The following FAM135B variants were observed in gnomAD, a reference collection of about 807,000 sequenced individuals.
The protein encoded by FAM135B is protein FAM135B.
Under a neutral mutation model 127.7 loss-of-function variants are expected in FAM135B, and 43 were observed. The ratio of observed to expected loss-of-function variants is 0.34; its 90% CI spans 0.26 to 0.43. The LOEUF (loss-of-function observed/expected upper bound fraction) is 0.43, where lower values mean the gene tolerates loss of function less well. Among genes scored for constraint, FAM135B ranks in the 20% least tolerant of loss-of-function variants. The pLI is 1.00. For synonymous variants in FAM135B, 670 were observed against 665.1 expected (o/e 1.01, Z -0.11); for missense variants, 1,558 against 1,725.6 (o/e 0.90, Z 1.72).
intron 19 of FAM135B, among the ~76,000 whole-genome samples, chr8:138,133,860 G>A (rs1243257865): frequency 2.0e-5 from 3 of 152,122 alleles, no homozygotes; most frequent in Admixed American, 1.3e-4. Context: ...CATGGGGTAT[G>A]TATTTGGGGG....
intron 1 of FAM135B, among the ~76,000 whole-genome samples, chr8:138,409,644 G>A (rs891325151): frequency 1.3e-5 from 2 of 152,084 alleles, no homozygotes; most frequent in African/African-American, 4.8e-5. Context: ...GGGAGGCCGA[G>A]GTGGGTGGAT....
At chr8:138,229,062 C>T (rs186494816) in intron 7 of FAM135B, among the ~76,000 whole-genome samples, 1 of 125,706 alleles carries the variant, frequency 8.0e-6, no homozygotes, top group Non-Finnish European at 1.8e-5. Flanking sequence ...TGTGTGTGTG[C>T]GTGTGTACAC....
intron 13 of FAM135B, 160 bp from the exon 14 acceptor site, chr8:138,148,846 G>A: frequency 1.9e-6 from 1 of 527,234 alleles, no homozygotes; most frequent in Non-Finnish European, 3.3e-6. Flanking sequence ...AGTGAGTGAA[G>A]CTTTGTTCTG....
chr8:138,166,246 C>G (rs576385659), intron 12 of FAM135B, among the ~76,000 whole-genome samples: 1 of 152,186 alleles, frequency 6.6e-6, no homozygotes, highest in East Asian at 1.9e-4. Context: ...TTCTGATCCT[C>G]GAAGGGACAC....
At chr8:138,196,207 A>T (rs1295361612) in intron 8 of FAM135B, among the ~76,000 whole-genome samples, 1 of 152,236 alleles carries the variant, frequency 6.6e-6, no homozygotes, top group African/African-American at 2.4e-5. Context: ...AAAAAGTTGT[A>T]TCAGGAATCC....
At chr8:138,485,738 T>TA (rs1488563161) in intron 1 of FAM135B, among the ~76,000 whole-genome samples, 2 of 151,810 alleles carry the variant, frequency 1.3e-5, no homozygotes, top group South Asian at 2.1e-4. Flanking sequence ...AGGGGAGTTA[T>TA]AAAAAAGAGG....
At chr8:138,303,959 T>C (rs1257248538) in intron 3 of FAM135B, among the ~76,000 whole-genome samples, 3 of 152,242 alleles carry the variant, frequency 2.0e-5, no homozygotes, top group East Asian at 3.8e-4. Context: ...CAAACCCTAC[T>C]TCCTAATTGC....
rs1441016128 is a variant in FAM135B, at chr8:138,159,278, C to CAAAAAA, written c.1259-6068_1259-6063dup. Among the ~76,000 whole-genome samples, 18 of 31,654 alleles carry CAAAAAA rather than the reference C, an allele frequency of 5.7e-4. 3 individuals carry two copies. Among genetic ancestry groups the CAAAAAA allele is most frequent in the African/African-American group, 8.0e-4 (7 of 8,706 alleles). The allele number at this position is 31,654 out of a possible 152,430, so 20.8% of individuals were successfully genotyped here. A position where few individuals can be genotyped will look rare whatever the true frequency, so the allele number is the denominator to read the frequency against. On this transcript the variant is annotated intron_variant, in intron 12 of 19. Coordinates refer to ENST00000395297, the MANE Select transcript of FAM135B (RefSeq NM_015912.4). ...TGGGCGACAGAGCGAGACTCCGTCTCAAAAAAAAAAAAAGACACATGCACA... is the reference window on the plus strand; with the variant it reads ...TGGGCGACAGAGCGAGACTCCGTCTCAAAAAAAAAAAAAAAAAAAGACACATGCACA...
At chr8:138,356,279 AG>A (rs1185568957) in intron 2 of FAM135B, among the ~76,000 whole-genome samples, 3 of 22,376 alleles carry the variant, frequency 1.3e-4, no homozygotes, top group African/African-American at 3.8e-4. Flanking sequence ...AGAGAGAGAG[AG>A]AGAAAGAGAG....
chr8:138,308,839 G>A (rs530058348), intron 3 of FAM135B: 2 of 261,870 alleles, frequency 7.6e-6, no homozygotes, highest in South Asian at 4.1e-5. Context: ...AGTCCTTGAC[G>A]GGAGCCTGGG....
intron 7 of FAM135B, among the ~76,000 whole-genome samples, chr8:138,212,485 AGCTGCCCCTCT>A (rs1176199751): frequency 6.6e-6 from 1 of 152,232 alleles, no homozygotes; most frequent in Non-Finnish European, 1.5e-5. Context: ...TCACAAACAC[AGCTGCCCCTCT>A]GCCTTTTGCT....
At chr8:138,298,115 C>T (rs1303497393) in intron 3 of FAM135B, among the ~76,000 whole-genome samples, 6 of 152,202 alleles carry the variant, frequency 3.9e-5, no homozygotes, top group African/African-American at 9.6e-5. Flanking sequence ...ATTCATATAA[C>T]TTATCACATA....
chr8:138,169,417 CTCTGAATATTTAACTCTTTAAATG>C (rs1343727393), intron 11 of FAM135B, among the ~76,000 whole-genome samples: 31 of 151,548 alleles, frequency 2.0e-4, no homozygotes, highest in African/African-American at 7.3e-4. Flanking sequence ...TTTAAATGTT[CTCTGAATATTTAACTCTTTAAATG>C]TTCTCTGAAT....
At chr8:138,178,467 C>T (rs952448151) in intron 10 of FAM135B, 68 bp downstream of exon 10, 1 of 1,571,640 alleles carries the variant, frequency 6.4e-7, no homozygotes, top group Non-Finnish European at 8.7e-7. Context: ...TGATCTAATT[C>T]TCATAAAGGT....
In FAM135B at chr8:138,374,794, A is replaced by G. The variant is rs183870703; in HGVS notation, c.-19-6792T>C. Among the ~76,000 whole-genome samples the G allele has an allele frequency of 2.8e-3, 419 of 152,336 alleles. 2 individuals carry two copies. Among genetic ancestry groups the G allele is most frequent in the African/African-American group, 9.2e-3 (382 of 41,584 alleles). ...TCTCCACTTCTGTCGGGCTGAGTCCAGGCACAGGGTTCTGAGGATGCACAG... is the reference window on the plus strand; with the variant it reads ...TCTCCACTTCTGTCGGGCTGAGTCCGGGCACAGGGTTCTGAGGATGCACAG... On this transcript the variant is annotated intron_variant, in intron 1 of 19. Coordinates refer to ENST00000395297, the MANE Select transcript of FAM135B (RefSeq NM_015912.4).
At chr8:138,252,116 C>T (rs1821745212) in intron 5 of FAM135B, among the ~76,000 whole-genome samples, 1 of 152,122 alleles carries the variant, frequency 6.6e-6, no homozygotes, top group Non-Finnish European at 1.5e-5. Flanking sequence ...AGAAACCTGT[C>T]GGGGAGAGGG....
chr8:138,195,901 T>C (rs988947319), intron 8 of FAM135B, among the ~76,000 whole-genome samples: 7 of 152,050 alleles, frequency 4.6e-5, no homozygotes, highest in African/African-American at 1.7e-4. Flanking sequence ...TGGTCAGTCA[T>C]TTGCACACGG....
chr8:138,146,930 G>A (rs1817704607), intron 14 of FAM135B, among the ~76,000 whole-genome samples: 1 of 152,172 alleles, frequency 6.6e-6, no homozygotes, highest in Admixed American at 6.5e-5. Flanking sequence ...TTTGTTAACT[G>A]TGAGTGACAA....
intron 1 of FAM135B, among the ~76,000 whole-genome samples, chr8:138,445,374 C>T: frequency 6.6e-6 from 1 of 152,190 alleles, no homozygotes; most frequent in Admixed American, 6.5e-5. Flanking sequence ...AGACCAATAT[C>T]CTTGATGAAC....
Sources: allele counts gnomAD v4.1 joint callset (sites outside exome capture counted in the v4.1 genomes callset), GRCh38; gene constraint gnomAD v4.1.1; transcripts MANE v1.5; gene names NCBI Gene and HGNC (gene_info 2026-07-23, HGNC 2026-07-21).